UBE2K: variants seen among roughly 807,000 people sequenced by gnomAD.
UBE2K encodes ubiquitin conjugating enzyme E2 K, also known as ubiquitin-conjugating enzyme E2 K.
Under a neutral mutation model 30.0 loss-of-function variants are expected in UBE2K, and 6 were observed. That is an observed-to-expected ratio of 0.20 (90% confidence interval 0.11 to 0.39). The LOEUF is 0.39. Ranked by LOEUF, UBE2K falls within the 10% of genes least tolerant of loss-of-function variation. The pLI is 1.00. For synonymous variants in UBE2K, 86 were observed against 83.7 expected (o/e 1.03, Z -0.15); for missense variants, 61 against 241.6 (o/e 0.25, Z 4.96).
intron 3 of UBE2K, among the ~76,000 whole-genome samples, chr4:39,746,129 G>A (rs1720977119): frequency 6.6e-6 from 1 of 151,912 alleles, no homozygotes; most frequent in African/African-American, 2.4e-5. Context: ...CATAGACAGA[G>A]GTTCTTACTT....
intron 1 of UBE2K, among the ~76,000 whole-genome samples, chr4:39,731,525 CA>C (rs1197761458): frequency 2.6e-5 from 4 of 151,820 alleles, no homozygotes; most frequent in African/African-American, 9.7e-5. Flanking sequence ...AGTACAAATA[CA>C]AAAAAATTAG....
chr4:39,714,541 TATA>T (rs1415531060), intron 1 of UBE2K: 43 of 53,834 alleles, frequency 8.0e-4, no homozygotes, highest in South Asian at 4.1e-3. Context: ...TATATATATA[TATA>T]TATATATTTT....
At chr4:39,733,051 G>GA (rs59978380) in intron 1 of UBE2K, among the ~76,000 whole-genome samples, 11,949 of 96,654 alleles carry the variant, frequency 0.12, 661 homozygotes, top group Middle Eastern at 0.18. Flanking sequence ...GGAACATCAG[G>GA]AAAAAAAAAA....
intron 2 of UBE2K, among the ~76,000 whole-genome samples, chr4:39,741,970 A>T (rs1436089251): frequency 6.6e-6 from 1 of 152,190 alleles, no homozygotes; most frequent in Non-Finnish European, 1.5e-5. Context: ...ACCCTGATCA[A>T]ATAATGCTAT....
chr4:39,774,484 G>T (rs928172757), intron 4 of UBE2K, among the ~76,000 whole-genome samples: 1 of 151,766 alleles, frequency 6.6e-6, no homozygotes, highest in Non-Finnish European at 1.5e-5. Context: ...GTTAAGGCGG[G>T]CCCCTGTAGT....
intron 1 of UBE2K, among the ~76,000 whole-genome samples, chr4:39,718,652 A>C (rs1719245013): frequency 6.6e-6 from 1 of 152,208 alleles, no homozygotes; most frequent in Non-Finnish European, 1.5e-5. Flanking sequence ...CCCCGTGGGG[A>C]GGCAGCTAAG....
intron 4 of UBE2K, chr4:39,771,084 TTTCTCCACCACG>T: frequency 2.5e-6 from 4 of 1,612,616 alleles, no homozygotes; most frequent in Non-Finnish European, 2.5e-6. Context: ...CATTCTGGCA[TTTCTCCACCACG>T]TGCTCCATCT....
intron 4 of UBE2K, chr4:39,770,052 C>G (rs1392783271): frequency 1.3e-6 from 2 of 1,509,816 alleles, no homozygotes; most frequent in African/African-American, 2.8e-5. Flanking sequence ...CCCAGGGACC[C>G]CAGCCTCCGG....
rs967011364 is a variant in UBE2K, at chr4:39,702,241, T to C, written c.63+3851T>C. Among the ~76,000 whole-genome samples the C allele has an allele frequency of 6.3e-3, 50 of 7,910 alleles. 5 individuals carry two copies. The highest frequency in any genetic ancestry group is 0.01 in the South Asian group (1 of 98). The allele number at this position is 7,910 out of a possible 152,430, so 5.2% of individuals were successfully genotyped here. On this transcript the variant is annotated intron_variant, in intron 1 of 6. Transcript: ENST00000261427. The stretch of plus-strand genomic sequence containing the variant: ...CTTTTCTTTTCTTTTCTTTTTTTTT[T>C]TTTTTTTTTTTTTTTTTTTTTTTTT...
intron 4 of UBE2K, among the ~76,000 whole-genome samples, chr4:39,757,017 TG>T (rs370637919): frequency 0.012 from 1,256 of 103,036 alleles, 92 homozygotes; most frequent in East Asian, 0.03. Context: ...TTTTGTTTTT[TG>T]TTTTTTGTTT....
chr4:39,767,418 G>A (rs927977032), intron 4 of UBE2K, among the ~76,000 whole-genome samples: 1 of 151,574 alleles, frequency 6.6e-6, no homozygotes, highest in Non-Finnish European at 1.5e-5. Context: ...CTGCCTCCCG[G>A]ATTCACGCCA....
intron 3 of UBE2K, among the ~76,000 whole-genome samples, chr4:39,750,819 C>T (rs1721216882): frequency 6.6e-6 from 1 of 150,586 alleles, no homozygotes; most frequent in Admixed American, 6.6e-5. Context: ...GATCATGGCT[C>T]ACTGCAACCT....
intron 1 of UBE2K, among the ~76,000 whole-genome samples, chr4:39,706,494 A>G (rs1446321370): frequency 7.0e-6 from 1 of 142,544 alleles, no homozygotes; most frequent in Non-Finnish European, 1.5e-5. Context: ...TTTTTCCCAG[A>G]TGGAATCTCA....
At chr4:39,773,611 AAGTG>A (rs1465643754) in intron 4 of UBE2K, among the ~76,000 whole-genome samples, 1 of 151,970 alleles carries the variant, frequency 6.6e-6, no homozygotes, top group Admixed American at 6.5e-5. Context: ...ATAGAAAAAT[AAGTG>A]AGTGGATAAA....
chr4:39,771,443 G>C, intron 4 of UBE2K: 1 of 1,585,592 alleles, frequency 6.3e-7, no homozygotes, highest in Non-Finnish European at 8.6e-7. Context: ...CCATTGTGGC[G>C]GGGGTGGGCA....
At chr4:39,762,093 G>A (rs1040476442) in intron 4 of UBE2K, among the ~76,000 whole-genome samples, 9 of 151,724 alleles carry the variant, frequency 5.9e-5, no homozygotes, top group African/African-American at 1.9e-4. Context: ...GCAGAGAATC[G>A]CTTAAACCTG....
intron 4 of UBE2K, chr4:39,770,756 C>G: frequency 6.3e-7 from 1 of 1,583,156 alleles, no homozygotes. Context: ...GGCCCCCTCC[C>G]AGGCCTCCAG....
chr4:39,743,329 C>T (rs757062056), intron 2 of UBE2K, among the ~76,000 whole-genome samples: 9 of 152,068 alleles, frequency 5.9e-5, no homozygotes, highest in African/African-American at 9.7e-5. Context: ...ATAGGCCAGG[C>T]GCAGTGGCTC....
Position 39,778,445 on chromosome 4 carries a change from G to T in UBE2K, c.*11G>T. On this transcript the variant is annotated 3_prime_UTR_variant, in exon 7 of 7. Transcript: ENST00000261427. ...CTTCTGAGTAACTGAGGCATAGAGA[G>T]CTGCTGATATAGTCAAGCTTGCCTC... is the stretch of plus-strand genomic sequence containing the variant. 1 of 1,588,792 alleles carries T rather than the reference G, an allele frequency of 6.3e-7. No individual in the cohort carries two copies. The highest frequency in any genetic ancestry group is 1.7e-4 in the Middle Eastern group (1 of 5,998).
Sources: gnomAD v4.1 joint callset for allele counts (sites outside exome capture counted in the v4.1 genomes callset) on GRCh38, gnomAD v4.1.1 for gene constraint, MANE v1.5 for transcripts, NCBI Gene and HGNC (gene_info 2026-07-23, HGNC 2026-07-21) for gene names.